Variants in VPS36 observed in about 807,000 individuals in gnomAD.
The protein encoded by VPS36 is vacuolar protein sorting 36 homolog, also known as vacuolar protein-sorting-associated protein 36.
Under a neutral mutation model 63.5 loss-of-function variants are expected in VPS36, and 31 were observed. That is an observed-to-expected ratio of 0.49 (90% CI 0.37 to 0.66). VPS36 has a LOEUF of 0.66. Among genes scored for constraint, VPS36 ranks in the 30% least tolerant of loss-of-function variants. The pLI, the probability that VPS36 is intolerant of heterozygous loss-of-function variation, is 0.00. For synonymous variants in VPS36, 138 were observed against 157.2 expected, an observed-to-expected ratio of 0.88 and a Z score of 0.91; for missense variants, 338 against 463.7, an observed-to-expected ratio of 0.73 and a Z score of 2.49.
At chr13:52,448,179 A>G (rs1958363833) in intron 1 of VPS36, among the ~76,000 whole-genome samples, 1 of 152,094 alleles carries the variant, frequency 6.6e-6, no homozygotes, top group Non-Finnish European at 1.5e-5. Flanking sequence ...TGCCCAGGGA[A>G]TGGGTTGGGA....
In VPS36 at chr13:52,434,647, C is replaced by G. The variant is rs957410557; in HGVS notation, c.441+146G>C. On this transcript the variant is annotated intron_variant, in intron 5 of 13. Transcript: ENST00000378060. ...TAGTGGGATTACAGGCGTGAGCCAC[C>G]GCGCCCTACCGAAAATAAATTCTTT... 3.7e-6 allele frequency: 3 copies of G among 808,616 alleles called. No homozygotes were observed. The Admixed American group carries it at 7.5e-5, about 20-fold the overall frequency. The allele number at this position is 808,616 out of a possible 1,614,324, so 50.1% of individuals were successfully genotyped here. A position where few individuals can be genotyped will look rare whatever the true frequency, so the allele number is the denominator to read the frequency against.
At chr13:52,428,044 G>C (rs1958121797) in intron 6 of VPS36, among the ~76,000 whole-genome samples, 2 of 152,070 alleles carry the variant, frequency 1.3e-5, no homozygotes, top group Admixed American at 1.3e-4. Context: ...AAGATAATCA[G>C]TTTAAGTAAG....
At chr13:52,431,664 A>G (rs921439963) in intron 6 of VPS36, among the ~76,000 whole-genome samples, 1 of 151,238 alleles carries the variant, frequency 6.6e-6, no homozygotes, top group Admixed American at 6.6e-5. Flanking sequence ...TCGGGAGGCT[A>G]AGGCAGGAGA....
At position 52,416,469 on chromosome 13, in the gene VPS36, T is replaced by C. The variant is rs183786614; in HGVS notation, c.991-376A>G. On this transcript the variant is annotated intron_variant, in intron 12 of 13. Coordinates refer to ENST00000378060, the MANE Select transcript of VPS36 (RefSeq NM_016075.4). ...TTACATATGGGTTTAGTTTAAAATA[T>C]GTGGTAGAAATATCTGTAGTCTTGG... Among the ~76,000 whole-genome samples the C allele has an allele frequency of 6.2e-4, 94 of 152,324 alleles. 1 individual carries two copies. The highest frequency in any genetic ancestry group is 2.0e-3 in the African/African-American group (83 of 41,570).
At chr13:52,418,112 G>C in intron 10 of VPS36, 56 bp from the exon 11 acceptor site, 1 of 1,418,392 alleles carries the variant, frequency 7.1e-7, no homozygotes, top group Non-Finnish European at 9.8e-7. Flanking sequence ...CACTAAAACA[G>C]AAGAGTATAT....
At chr13:52,440,894 G>T (rs1394534985) in intron 2 of VPS36, among the ~76,000 whole-genome samples, 2 of 152,162 alleles carry the variant, frequency 1.3e-5, no homozygotes, top group Non-Finnish European at 2.9e-5. Flanking sequence ...AGCAGGGGTT[G>T]TGGTTTCAGG....
chr13:52,432,118 CGCG>C lies in VPS36; in HGVS notation c.528+1541_528+1543del, dbSNP rs201457052. On this transcript the variant is annotated intron_variant, in intron 6 of 13. Coordinates refer to ENST00000378060, the MANE Select transcript of VPS36 (RefSeq NM_016075.4). Reference sequence around the variant, plus strand: ...CTGTAATCCCATCACTTTGAGAGGCCGCGGCGGCGGATCACGAGGTCAGAAGAT... The same window carrying C: ...CTGTAATCCCATCACTTTGAGAGGCCGCGGCGGATCACGAGGTCAGAAGAT... Among the ~76,000 whole-genome samples the C allele has an allele frequency of 7.4e-3, 1,120 of 152,212 alleles. 5 individuals carry two copies. The highest frequency in any genetic ancestry group is 0.017 in the African/African-American group (699 of 41,540).
intron 8 of VPS36, 42 bp downstream of exon 8, chr13:52,426,947 G>C: frequency 2.2e-6 from 3 of 1,392,470 alleles, no homozygotes; most frequent in African/African-American, 1.4e-5. Context: ...ACTGCATTGT[G>C]TTATCTAGTT....
intron 6 of VPS36, among the ~76,000 whole-genome samples, chr13:52,428,336 A>C (rs1016490898): frequency 6.6e-6 from 1 of 152,222 alleles, no homozygotes; most frequent in Non-Finnish European, 1.5e-5. Context: ...CTGAAATATC[A>C]GTCCATATGG....
chr13:52,427,421 C>T (rs1036638154), intron 6 of VPS36, among the ~76,000 whole-genome samples: 3 of 152,020 alleles, frequency 2.0e-5, no homozygotes, highest in Admixed American at 6.6e-5. Flanking sequence ...CTGGCTAACA[C>T]GGTGAAACCC....
intron 1 of VPS36, among the ~76,000 whole-genome samples, chr13:52,442,868 A>G (rs1164702053): frequency 6.6e-6 from 1 of 152,218 alleles, no homozygotes; most frequent in African/African-American, 2.4e-5. Context: ...GAACACAATT[A>G]TCTGTTAACA....
chr13:52,439,089 C>T lies in VPS36; in HGVS notation c.236+9G>A. On this transcript the variant is annotated intron_variant, in intron 3 of 13. Coordinates refer to ENST00000378060, the MANE Select transcript of VPS36 (RefSeq NM_016075.4). ...CTGTGAATAAAGACTGTGCTATACA[C>T]AGACTTACCTCTTCCCAATTCCAGC... 1 of 1,612,984 alleles carries T rather than the reference C, an allele frequency of 6.2e-7. No homozygotes were observed. The highest frequency in any genetic ancestry group is 8.5e-7 in the Non-Finnish European group (1 of 1,179,444).
Position 52,413,267 on chromosome 13 carries a change from T to C in VPS36, c.*2563A>G, listed in dbSNP as rs1329815014. 1 of 152,208 alleles carries C rather than the reference T, an allele frequency of 6.6e-6. No homozygotes were observed. Among genetic ancestry groups the C allele is most frequent in the Non-Finnish European group, 1.5e-5 (1 of 68,036 alleles). The allele number at this position is 152,208 out of a possible 1,614,324, so 9.4% of individuals were successfully genotyped here. ...AAGAAAGAGTACATTCATCTGAATA[T>C]ACATGGTCAGGTAACAGTGGAATTC... On this transcript the variant is annotated 3_prime_UTR_variant, in exon 14 of 14. Transcript: ENST00000378060.
At chr13:52,446,086 TAAAAATA>T (rs372727244) in intron 1 of VPS36, among the ~76,000 whole-genome samples, 5,784 of 141,342 alleles carry the variant, frequency 0.041, 126 homozygotes, top group South Asian at 0.074. Context: ...CCGTCTCTAC[TAAAAATA>T]AAAAATAAAA....
chr13:52,432,130 T>C (rs2137792231), intron 6 of VPS36, among the ~76,000 whole-genome samples: 1 of 152,188 alleles, frequency 6.6e-6, no homozygotes, highest in South Asian at 2.1e-4. Context: ...CGGCGGCGGA[T>C]CACGAGGTCA....
At chr13:52,431,448 T>G (rs1357644527) in intron 6 of VPS36, among the ~76,000 whole-genome samples, 1 of 152,184 alleles carries the variant, frequency 6.6e-6, no homozygotes, top group Non-Finnish European at 1.5e-5. Flanking sequence ...ATTGTGGTTC[T>G]GAAATATCAT....
In VPS36 at chr13:52,414,899, T is replaced by G. The variant is rs1434311024; in HGVS notation, c.*931A>C. 1 of 152,222 alleles carries G rather than the reference T, an allele frequency of 6.6e-6. No homozygotes were observed. Among genetic ancestry groups the G allele is most frequent in the African/African-American group, 2.4e-5 (1 of 41,460 alleles). 9.4% of individuals were successfully genotyped at this position (152,222 alleles called of 1,614,324 possible). ...TAACATTTCTTACCGAAGTAGTTTT[T>G]CCACACAACTTACAACATAAAGGAC... is the stretch of plus-strand genomic sequence containing the variant. On this transcript the variant is annotated 3_prime_UTR_variant, in exon 14 of 14. Transcript: ENST00000378060.
intron 6 of VPS36, 117 bp from the exon 7 acceptor site, chr13:52,427,336 T>C: frequency 1.9e-6 from 2 of 1,040,092 alleles, no homozygotes; most frequent in South Asian, 2.9e-5. Flanking sequence ...CCGGGCGCAG[T>C]GGCTCACGCC....
chr13:52,416,313 C>T (rs1243910329), intron 12 of VPS36: 10 of 521,564 alleles, frequency 1.9e-5, no homozygotes, highest in Non-Finnish European at 2.7e-5. Flanking sequence ...ATAGTAGAGG[C>T]TCAAATATCA....
Sources: allele counts gnomAD v4.1 joint callset (sites outside exome capture counted in the v4.1 genomes callset), GRCh38; gene constraint gnomAD v4.1.1; transcripts MANE v1.5; gene names NCBI Gene and HGNC (gene_info 2026-07-23, HGNC 2026-07-21).